Variants in XPR1 observed in about 807,000 individuals in gnomAD.
XPR1 encodes the protein solute carrier family 53 member 1.
In XPR1, 28 loss-of-function variants were observed where a neutral mutation model predicts 87.5. The ratio of observed to expected loss-of-function variants is 0.32; its 90% CI spans 0.24 to 0.44. The LOEUF is 0.44. Ranked by LOEUF, XPR1 falls within the 20% of genes least tolerant of loss-of-function variation. The probability of loss-of-function intolerance (pLI) is 1.00; values close to 1 mark genes in which losing one functional copy is unlikely to be tolerated. For synonymous variants in XPR1, 300 were observed against 306.1 expected (o/e 0.98, Z 0.21); for missense variants, 559 against 862.3 (o/e 0.65, Z 4.41).
At chr1:180,683,193 C>G (rs1340745332) in intron 2 of XPR1, among the ~76,000 whole-genome samples, 3 of 151,086 alleles carry the variant, frequency 2.0e-5, no homozygotes, top group Non-Finnish European at 4.4e-5. Flanking sequence ...TCAATTCCCA[C>G]CTATGAGTGA....
At chr1:180,749,616 A>G (rs1251154708) in intron 2 of XPR1, among the ~76,000 whole-genome samples, 3 of 148,402 alleles carry the variant, frequency 2.0e-5, no homozygotes, top group African/African-American at 5.1e-5. Context: ...ATATCAGTAA[A>G]ATTTATAATA....
In XPR1 at chr1:180,632,081, A is replaced by C. The variant is rs1295981324; in HGVS notation, c.-121A>C. On this transcript the variant is annotated 5_prime_UTR_variant, in exon 1 of 15. Transcript: ENST00000367590. ...TCTGAAGAGACCTCGGCGGCGGCGG[A>C]GGAGGAGAGAAGCGCAGCGCCGCGC... 27 of 1,187,544 alleles carry C rather than the reference A, an allele frequency of 2.3e-5. No individual in the cohort carries two copies. Among genetic ancestry groups the C allele is most frequent in the African/African-American group, 7.6e-5 (5 of 66,012 alleles). The allele number at this position is 1,187,544 out of a possible 1,614,324, so 73.6% of individuals were successfully genotyped here.
At chr1:180,736,239 G>A (rs1658726740) in intron 2 of XPR1, among the ~76,000 whole-genome samples, 1 of 152,160 alleles carries the variant, frequency 6.6e-6, no homozygotes, top group Non-Finnish European at 1.5e-5. Flanking sequence ...GAAATAGCAT[G>A]TACCAAGATC....
chr1:180,653,798 C>T (rs760585001), intron 1 of XPR1, among the ~76,000 whole-genome samples: 19 of 152,014 alleles, frequency 1.2e-4, no homozygotes, highest in Admixed American at 1.2e-3. Flanking sequence ...AAAAAAATAC[C>T]GTTAACGTTG....
intron 1 of XPR1, among the ~76,000 whole-genome samples, chr1:180,677,829 T>C (rs75182423): frequency 0.043 from 6,550 of 152,284 alleles, 504 homozygotes; most frequent in African/African-American, 0.15. Flanking sequence ...GTTAGTTTGG[T>C]CTATGCCCTG....
chr1:180,659,144 C>T (rs1368260041), intron 1 of XPR1, among the ~76,000 whole-genome samples: 10 of 112,378 alleles, frequency 8.9e-5, no homozygotes, highest in African/African-American at 3.4e-4. Context: ...CCCTCCTTTC[C>T]TTCCTTCTTT....
chr1:180,801,864 T>C (rs1649797135), intron 3 of XPR1, among the ~76,000 whole-genome samples: 2 of 151,646 alleles, frequency 1.3e-5, no homozygotes, highest in South Asian at 4.2e-4. Context: ...CACTGCAGCC[T>C]CTGCTCACTG....
Position 180,834,878 on chromosome 1 carries a change from G to A in XPR1, c.1139G>A (p.Arg380Gln), listed in dbSNP as rs1350814422. The A allele has an allele frequency of 5.0e-6, 8 of 1,588,222 alleles. No individual in the cohort carries two copies. Among genetic ancestry groups the A allele is most frequent in the South Asian group, 1.2e-5 (1 of 85,532 alleles). Residue 380 changes from arginine (R) to glutamine (Q), a missense_variant, in exon 10 of 15, where the codon CGA becomes CAA. Physicochemically the swap from Arg to Gln is conservative, Grantham distance 43. Coordinates refer to ENST00000367590, the MANE Select transcript of XPR1 (RefSeq NM_004736.4). ...SRFWLLKLLF[R>Q]VFTAPFHKVG... ...CTGATTTTTTTTTTCTTTCAGTTTC[G>A]AGTATTTACAGCCCCCTTCCATAAG... is the stretch of plus-strand genomic sequence containing the variant.
intron 4 of XPR1, among the ~76,000 whole-genome samples, chr1:180,803,868 T>A (rs1282112903): frequency 6.6e-6 from 1 of 152,178 alleles, no homozygotes; most frequent in Non-Finnish European, 1.5e-5. Flanking sequence ...AGTCCACAAC[T>A]CAAGGACTAA....
At chr1:180,641,872 T>C (rs1050386007) in intron 1 of XPR1, among the ~76,000 whole-genome samples, 2 of 152,164 alleles carry the variant, frequency 1.3e-5, no homozygotes, top group Non-Finnish European at 2.9e-5. Context: ...TTGTTAAGGC[T>C]TATCATTGCT....
intron 1 of XPR1, among the ~76,000 whole-genome samples, chr1:180,644,791 T>G (rs1165108343): frequency 6.6e-6 from 1 of 152,040 alleles, no homozygotes; most frequent in East Asian, 1.9e-4. Context: ...TTACGTTTAT[T>G]GTGCACTTTA....
At chr1:180,744,307 CT>C (rs1202412379) in intron 2 of XPR1, among the ~76,000 whole-genome samples, 1 of 152,012 alleles carries the variant, frequency 6.6e-6, no homozygotes, top group African/African-American at 2.4e-5. Context: ...TCAGTTCTAA[CT>C]TTTTTATTTA....
intron 2 of XPR1, among the ~76,000 whole-genome samples, chr1:180,741,289 G>A (rs900230861): frequency 6.6e-6 from 1 of 151,712 alleles, no homozygotes; most frequent in Non-Finnish European, 1.5e-5. Context: ...TTATTCTCCC[G>A]AGTAGCTGGG....
At chr1:180,663,292 G>C (rs1202896128) in intron 1 of XPR1, among the ~76,000 whole-genome samples, 2 of 152,214 alleles carry the variant, frequency 1.3e-5, no homozygotes, top group Non-Finnish European at 2.9e-5. Context: ...GGTATTCAAA[G>C]AGACTTGGGT....
chr1:180,719,026 A>G (rs1658091479), intron 2 of XPR1, among the ~76,000 whole-genome samples: 1 of 152,228 alleles, frequency 6.6e-6, no homozygotes. Flanking sequence ...TTTGTGAATT[A>G]GATTATAATG....
At chr1:180,866,523 C>T (rs1270757622) in intron 12 of XPR1, among the ~76,000 whole-genome samples, 1 of 135,176 alleles carries the variant, frequency 7.4e-6, no homozygotes, top group Non-Finnish European at 1.6e-5. Context: ...TTTGGTGACA[C>T]CAGTTTCCAC....
At chr1:180,836,826 T>C in intron 11 of XPR1, 110 bp downstream of exon 11, 4 of 1,313,290 alleles carry the variant, frequency 3.0e-6, no homozygotes, top group Non-Finnish European at 4.2e-6. Flanking sequence ...TTTTTTCCAC[T>C]GAAATTTCAG....
At chr1:180,689,575 A>G (rs952853825) in intron 2 of XPR1, among the ~76,000 whole-genome samples, 7 of 152,180 alleles carry the variant, frequency 4.6e-5, no homozygotes, top group Admixed American at 4.6e-4. Context: ...GAATAAGGGG[A>G]AAATGAAGAC....
chr1:180,851,094 C>T (rs1484384497), intron 11 of XPR1, among the ~76,000 whole-genome samples: 1 of 151,924 alleles, frequency 6.6e-6, no homozygotes, highest in Non-Finnish European at 1.5e-5. Context: ...CATAGTTTAT[C>T]TGCTCCAGAA....
Sources: gnomAD v4.1 joint callset for allele counts (sites outside exome capture counted in the v4.1 genomes callset) on GRCh38, gnomAD v4.1.1 for gene constraint, MANE v1.5 for transcripts, NCBI Gene and HGNC (gene_info 2026-07-23, HGNC 2026-07-21) for gene names.